The following FRMD4A variants were observed in gnomAD, a reference collection of about 807,000 sequenced individuals.
FRMD4A encodes the protein FERM domain-containing protein 4A.
In FRMD4A, 29 loss-of-function variants were observed where a neutral mutation model predicts 129.1. The ratio of observed to expected loss-of-function variants is 0.22; its 90% confidence interval spans 0.17 to 0.31. The LOEUF (loss-of-function observed/expected upper bound fraction) is 0.31, where lower values mean the gene tolerates loss of function less well. Among genes scored for constraint, FRMD4A ranks in the 10% least tolerant of loss-of-function variants. The pLI, the probability that FRMD4A is intolerant of heterozygous loss-of-function variation, is 1.00. For synonymous variants in FRMD4A, 634 were observed against 571.6 expected, an observed-to-expected ratio of 1.11 and a Z score of -1.56; for missense variants, 1,272 against 1,375.8, an observed-to-expected ratio of 0.92 and a Z score of 1.19.
chr10:14,056,950 T>C (rs1172923047), intron 2 of FRMD4A, among the ~76,000 whole-genome samples: 2 of 152,218 alleles, frequency 1.3e-5, no homozygotes, highest in Non-Finnish European at 2.9e-5. Flanking sequence ...GTGAGTCTTT[T>C]GTGGCTCTCT....
At chr10:13,769,606 G>A (rs1025306037) in intron 6 of FRMD4A, among the ~76,000 whole-genome samples, 1 of 152,058 alleles carries the variant, frequency 6.6e-6, no homozygotes, top group Admixed American at 6.6e-5. Context: ...CACTGTGTCC[G>A]GCCCCGAGTT....
rs2081131370 is a variant in FRMD4A, at chr10:13,646,600, GC to G, written c.*437del. 1 of 152,366 alleles carries G rather than the reference GC, an allele frequency of 6.6e-6. No individual in the cohort carries two copies. The highest frequency in any genetic ancestry group is 1.5e-5 in the Non-Finnish European group (1 of 68,134). 9.4% of individuals were successfully genotyped at this position (152,366 alleles called of 1,614,324 possible). The stretch of plus-strand genomic sequence containing the variant: ...GTCCCCTTTCCCGTTCTCTCCCAAC[GC>G]TACTTATCCGCAGGAATTGGATGCC... On this transcript the variant is annotated 3_prime_UTR_variant, in exon 25 of 25. Transcript: ENST00000357447.
chr10:14,118,025 A>G (rs1209613814), intron 2 of FRMD4A, among the ~76,000 whole-genome samples: 10 of 152,102 alleles, frequency 6.6e-5, no homozygotes, highest in Admixed American at 2.6e-4. Context: ...TGTTTAGAGG[A>G]TGGGGTGAGG....
intron 2 of FRMD4A, among the ~76,000 whole-genome samples, chr10:13,979,409 T>C (rs182858633): frequency 6.6e-6 from 1 of 152,228 alleles, no homozygotes; most frequent in East Asian, 1.9e-4. Flanking sequence ...GAGAGTTGTT[T>C]GGGAGATAAT....
chr10:13,949,242 G>A (rs1247879218), intron 2 of FRMD4A, among the ~76,000 whole-genome samples: 2 of 140,030 alleles, frequency 1.4e-5, no homozygotes, highest in Non-Finnish European at 1.5e-5. Context: ...GAAAGACGTT[G>A]TTGGCCCTGG....
chr10:13,915,597 G>A (rs2094992611), intron 2 of FRMD4A, among the ~76,000 whole-genome samples: 1 of 151,728 alleles, frequency 6.6e-6, no homozygotes, highest in Non-Finnish European at 1.5e-5. Flanking sequence ...GCATGAACCT[G>A]GGAGGCGGAG....
chr10:14,140,078 T>A (rs1361486153), intron 2 of FRMD4A, among the ~76,000 whole-genome samples: 1 of 152,190 alleles, frequency 6.6e-6, no homozygotes, highest in Non-Finnish European at 1.5e-5. Context: ...TTATTTTATT[T>A]TGAGATGGAA....
chr10:13,765,075 C>T (rs1312114120), intron 6 of FRMD4A, among the ~76,000 whole-genome samples: 1 of 150,152 alleles, frequency 6.7e-6, no homozygotes. Context: ...ACTTGCATTA[C>T]AAGCCAGACT....
intron 2 of FRMD4A, among the ~76,000 whole-genome samples, chr10:13,903,882 T>TA (rs113936491): frequency 1.3e-4 from 19 of 148,526 alleles, no homozygotes; most frequent in Admixed American, 4.0e-4. Flanking sequence ...GCTTGTCTCT[T>TA]AAAAAAAAAA....
intron 2 of FRMD4A, among the ~76,000 whole-genome samples, chr10:14,232,280 T>C (rs1297545311): frequency 6.6e-6 from 1 of 152,178 alleles, no homozygotes. Context: ...TCCTGTTCCA[T>C]TGGTCTGTTT....
chr10:13,863,427 C>CA lies in FRMD4A; in HGVS notation c.46-4516dup, dbSNP rs34102644. 2.7e-3 allele frequency among the ~76,000 whole-genome samples: 392 copies of CA among 147,374 alleles called. 2 individuals are homozygous for CA. Among genetic ancestry groups the CA allele is most frequent in the Middle Eastern group, 0.01 (3 of 292 alleles). On this transcript the variant is annotated intron_variant, in intron 2 of 24. Transcript: ENST00000357447. Reference sequence around the variant, plus strand: ...CAAAACCCTGTCTCTACTAAAAATACAAAAAAAAAAAAATTAGCCGGGCAT... The same window carrying CA: ...CAAAACCCTGTCTCTACTAAAAATACAAAAAAAAAAAAAATTAGCCGGGCAT...
At chr10:13,673,847 C>T (rs1403191867) in intron 16 of FRMD4A, among the ~76,000 whole-genome samples, 1 of 142,846 alleles carries the variant, frequency 7.0e-6, no homozygotes, top group Non-Finnish European at 1.5e-5. Context: ...GTGATCACTG[C>T]TCACTGCAGT....
intron 8 of FRMD4A, among the ~76,000 whole-genome samples, chr10:13,761,284 A>G (rs923370124): frequency 6.6e-6 from 1 of 152,238 alleles, no homozygotes; most frequent in Non-Finnish European, 1.5e-5. Context: ...ATGTCCACCT[A>G]CTTGTCAGGA....
chr10:14,120,974 G>C (rs1240513759), intron 2 of FRMD4A, among the ~76,000 whole-genome samples: 1 of 152,122 alleles, frequency 6.6e-6, no homozygotes, highest in East Asian at 1.9e-4. Flanking sequence ...CAGTTTTCTG[G>C]GTGTGATCTT....
At chr10:13,955,647 T>C (rs1354443338) in intron 2 of FRMD4A, among the ~76,000 whole-genome samples, 2 of 152,228 alleles carry the variant, frequency 1.3e-5, no homozygotes, top group Non-Finnish European at 2.9e-5. Context: ...GAAAAACACA[T>C]TGTAATACCA....
chr10:14,076,711 G>T (rs936152528), intron 2 of FRMD4A, among the ~76,000 whole-genome samples: 2 of 152,024 alleles, frequency 1.3e-5, no homozygotes, highest in Admixed American at 6.5e-5. Context: ...GGGTCAACGT[G>T]GAAAAACATC....
chr10:14,064,232 T>C (rs1474351172), intron 2 of FRMD4A, among the ~76,000 whole-genome samples: 1 of 152,140 alleles, frequency 6.6e-6, no homozygotes, highest in Non-Finnish European at 1.5e-5. Flanking sequence ...GTCCTGAAAA[T>C]AGGCTATTTT....
intron 2 of FRMD4A, among the ~76,000 whole-genome samples, chr10:14,237,524 T>G (rs919877663): frequency 6.6e-6 from 1 of 151,874 alleles, no homozygotes; most frequent in African/African-American, 2.4e-5. Context: ...AGAAATGGGG[T>G]TTCACCATGT....
chr10:14,243,138 G>T (rs770156416), intron 2 of FRMD4A, among the ~76,000 whole-genome samples: 2 of 152,166 alleles, frequency 1.3e-5, no homozygotes, highest in African/African-American at 4.8e-5. Context: ...TCTGACCTAT[G>T]CTACAACACA....
Sources: allele counts gnomAD v4.1 joint callset (sites outside exome capture counted in the v4.1 genomes callset), GRCh38; gene constraint gnomAD v4.1.1; transcripts MANE v1.5; gene names NCBI Gene and HGNC (gene_info 2026-07-23, HGNC 2026-07-21).